Variants in DAG1 observed in about 807,000 individuals in gnomAD.
DAG1 encodes dystroglycan 1 (dystrophin-associated glycoprotein 1).
A neutral mutation model predicts 46.1 loss-of-function variants in DAG1; 8 were observed. The ratio of observed to expected loss-of-function variants is 0.17; its 90% CI spans 0.10 to 0.31. DAG1 has a LOEUF of 0.31. DAG1 is among the 10% of genes least tolerant of loss of function. The pLI is 1.00. For synonymous variants in DAG1, 495 were observed against 481.8 expected, an observed-to-expected ratio of 1.03 and a Z score of -0.36; for missense variants, 1,003 against 1,189.9, an observed-to-expected ratio of 0.84 and a Z score of 2.31.
chr3:49,487,301 G>T (rs1436219707), intron 1 of DAG1: 1 of 152,226 alleles, frequency 6.6e-6, no homozygotes, highest in African/African-American at 2.4e-5. Flanking sequence ...AGGACAGACG[G>T]TTCTTCCCCC....
intron 2 of DAG1, among the ~76,000 whole-genome samples, chr3:49,511,936 G>A (rs1383334975): frequency 6.6e-5 from 10 of 152,148 alleles, no homozygotes; most frequent in African/African-American, 1.2e-4. Flanking sequence ...AAAACTTTAC[G>A]GTGGATACTT....
intron 2 of DAG1, among the ~76,000 whole-genome samples, chr3:49,516,356 A>C (rs2050895933): frequency 6.6e-6 from 1 of 152,228 alleles, no homozygotes; most frequent in Non-Finnish European, 1.5e-5. Context: ...TGCTGTATGC[A>C]GGGAGAAATG....
At chr3:49,495,874 C>T (rs898991903) in intron 1 of DAG1, among the ~76,000 whole-genome samples, 4 of 151,814 alleles carry the variant, frequency 2.6e-5, no homozygotes, top group East Asian at 3.9e-4. Context: ...GAGCCGAGAT[C>T]GTGCCACTTG....
At chr3:49,478,529 T>TC (rs1023316718) in intron 1 of DAG1, among the ~76,000 whole-genome samples, 1 of 120,928 alleles carries the variant, frequency 8.3e-6, no homozygotes, top group African/African-American at 2.9e-5. Context: ...GCCCAAGAGT[T>TC]TTTTTTTTTT....
chr3:49,508,194 C>CTTTTTTTTTTTTTTTTTTTTTTTTT (rs11344604), intron 1 of DAG1, among the ~76,000 whole-genome samples: 1 of 73,546 alleles, frequency 1.4e-5, no homozygotes. Flanking sequence ...GTTTATTTTG[C>CTTTTTTTTTTTTTTTTTTTTTTTTT]TTTTTTTTTT....
At position 49,532,836 on chromosome 3, in the gene DAG1, C is replaced by T; in HGVS notation, c.2325C>T (p.Tyr775=). ...LIAGIIAMIC[Y]RKKRKGKLTL... is the part of the protein sequence containing the mutation. ...CTGGCATCATTGCCATGATCTGCTACCGCAAGAAGCGGAAGGGCAAGCTTA... is the reference window on the plus strand; with the variant it reads ...CTGGCATCATTGCCATGATCTGCTATCGCAAGAAGCGGAAGGGCAAGCTTA... The change falls in exon 3 of 3, where the codon TAC becomes TAT. Residue 775 remains tyrosine (Y), a synonymous_variant. Transcript: ENST00000308775. This position sits in a 1 kb window ranked among gnomAD's most constrained non-coding sequence, Gnocchi z 5.4. The T allele has an allele frequency of 6.2e-7, 1 of 1,614,102 alleles. No individual in the cohort carries two copies. Among genetic ancestry groups the T allele is most frequent in the South Asian group, 1.1e-5 (1 of 91,082 alleles).
chr3:49,519,064 T>C (rs764551705), intron 2 of DAG1, among the ~76,000 whole-genome samples: 1 of 152,100 alleles, frequency 6.6e-6, no homozygotes, highest in African/African-American at 2.4e-5. Context: ...TGGCCTTCAC[T>C]CAGTGGATCC....
intron 1 of DAG1, among the ~76,000 whole-genome samples, chr3:49,504,959 TAC>T (rs1469861074): frequency 3.5e-5 from 2 of 57,782 alleles, no homozygotes; most frequent in Admixed American, 2.4e-4. Context: ...CCTCCACCAT[TAC>T]AGTCTTCTTC....
At chr3:49,514,397 A>G (rs1251939004) in intron 2 of DAG1, among the ~76,000 whole-genome samples, 1 of 152,254 alleles carries the variant, frequency 6.6e-6, no homozygotes, top group Non-Finnish European at 1.5e-5. Context: ...ATGCTCATCA[A>G]GAGATGGTCA....
At chr3:49,483,892 G>A (rs563158719) in intron 1 of DAG1, among the ~76,000 whole-genome samples, 2 of 152,102 alleles carry the variant, frequency 1.3e-5, no homozygotes, top group South Asian at 4.1e-4. Flanking sequence ...GCCCAGGCTG[G>A]ATCCTCCTGC....
At chr3:49,490,909 G>T (rs574829736) in intron 1 of DAG1, among the ~76,000 whole-genome samples, 2 of 133,460 alleles carry the variant, frequency 1.5e-5, no homozygotes, top group East Asian at 4.4e-4. Context: ...TTTTTGAGAC[G>T]GAGTCTCACT....
rs551594638 is a variant in DAG1 at position 49,530,752 on chromosome 3, T to C, written c.286-45T>C. 7.4e-6 allele frequency: 12 copies of C among 1,613,898 alleles called. No individual in the cohort carries two copies. The African/African-American group carries it at 1.5e-4, about 20-fold the overall frequency. ...AACTGTTGTGATCATATTCAGGTTA[T>C]GCAGTGACAATAGTATTTTTAATTT... On this transcript the variant is annotated intron_variant, in intron 2 of 2. Coordinates refer to ENST00000308775, the MANE Select transcript of DAG1 (RefSeq NM_004393.6).
intron 2 of DAG1, among the ~76,000 whole-genome samples, chr3:49,520,340 C>T (rs2050996022): frequency 6.6e-6 from 1 of 152,190 alleles, no homozygotes; most frequent in African/African-American, 2.4e-5. Flanking sequence ...TCAGAGGGTC[C>T]ATCTCCTGCT....
intron 1 of DAG1, chr3:49,471,110 A>G (rs2049506826): frequency 6.6e-6 from 1 of 152,200 alleles, no homozygotes. Flanking sequence ...CTATAACTTG[A>G]AAAGTTCTTA....
intron 1 of DAG1, among the ~76,000 whole-genome samples, chr3:49,487,981 C>T (rs971094684): frequency 1.5e-4 from 23 of 152,056 alleles, no homozygotes; most frequent in East Asian, 3.9e-4. Flanking sequence ...GGAATTCAGA[C>T]GTGAGCCACC....
Position 49,531,737 on chromosome 3 carries a change from G to A in DAG1, c.1226G>A (p.Gly409Asp), listed in dbSNP as rs979228751. The A allele has an allele frequency of 2.5e-6, 4 of 1,613,838 alleles. No individual in the cohort carries two copies. The highest frequency in any genetic ancestry group is 1.7e-5 in the Admixed American group (1 of 59,984). Reference protein sequence around the residue: ...GQIRPTMTIPGYVEPTAVATP... With the variant: ...GQIRPTMTIPDYVEPTAVATP... The stretch of plus-strand genomic sequence containing the variant: ...ATTCGCCCAACGATGACCATTCCTG[G>A]CTATGTGGAGCCTACTGCAGTTGCT... Residue 409 changes from glycine (G) to aspartate (D), a missense_variant, in exon 3 of 3, where the codon GGC (glycine) becomes GAC (aspartate). Transcript: ENST00000308775. This position sits in a 1 kb window ranked among gnomAD's most constrained non-coding sequence, Gnocchi z 7.0.
At chr3:49,499,422 C>A (rs1180227969) in intron 1 of DAG1, among the ~76,000 whole-genome samples, 7 of 152,074 alleles carry the variant, frequency 4.6e-5, no homozygotes, top group African/African-American at 1.7e-4. Context: ...AACAGAGGTA[C>A]TTAAAAATAT....
At chr3:49,502,386 G>A (rs1188708763) in intron 1 of DAG1, among the ~76,000 whole-genome samples, 1 of 152,122 alleles carries the variant, frequency 6.6e-6, no homozygotes, top group Non-Finnish European at 1.5e-5. Flanking sequence ...TTTGCTGAGT[G>A]TGGCACTTAA....
At chr3:49,524,158 C>G (rs1336930093) in intron 2 of DAG1, among the ~76,000 whole-genome samples, 3 of 152,158 alleles carry the variant, frequency 2.0e-5, no homozygotes, top group Non-Finnish European at 4.4e-5. Context: ...CCTAGCACCT[C>G]CGGGATGAGC....
Sources: allele counts gnomAD v4.1 joint callset (sites outside exome capture counted in the v4.1 genomes callset), GRCh38; gene constraint gnomAD v4.1.1; non-coding constraint Gnocchi (gnomAD v3.1); transcripts MANE v1.5; gene names NCBI Gene and HGNC (gene_info 2026-07-23, HGNC 2026-07-21).